MDGA2: variants seen among roughly 807,000 people sequenced by gnomAD.
The protein encoded by MDGA2 is MAM domain-containing glycosylphosphatidylinositol anchor protein 2.
In MDGA2, 40 loss-of-function variants were observed where a neutral mutation model predicts 117.8. The observed-to-expected ratio is 0.34, with a 90% CI of 0.26 to 0.44. MDGA2 has a LOEUF of 0.44. Among genes scored for constraint, MDGA2 ranks in the 20% least tolerant of loss-of-function variants. The pLI, the probability that MDGA2 is intolerant of heterozygous loss-of-function variation, is 1.00. For missense variants in MDGA2, 1,123 were observed against 1,250.6 expected (o/e 0.90, Z 1.54); for synonymous variants, 452 against 439.0 (o/e 1.03, Z -0.37).
chr14:47,282,717 A>AAAAAAAAAAAC (rs1566718704), intron 2 of MDGA2, among the ~76,000 whole-genome samples: 1 of 148,164 alleles, frequency 6.7e-6, no homozygotes, highest in Non-Finnish European at 1.5e-5. Context: ...ACAAAAAACA[A>AAAAAAAAAAAC]AAAACAAAAA....
intron 3 of MDGA2, among the ~76,000 whole-genome samples, chr14:47,204,039 CAG>C (rs1182539570): frequency 1.3e-5 from 2 of 151,848 alleles, no homozygotes; most frequent in Non-Finnish European, 2.9e-5. Context: ...AAAATTCAAA[CAG>C]AATTAGAAAT....
chr14:47,027,081 G>A (rs896273865), intron 8 of MDGA2, among the ~76,000 whole-genome samples: 7 of 151,864 alleles, frequency 4.6e-5, no homozygotes, highest in East Asian at 1.9e-4. Context: ...GTTGAGGATC[G>A]CCTGGGCCAA....
intron 1 of MDGA2, among the ~76,000 whole-genome samples, chr14:47,345,009 A>C (rs1440318844): frequency 6.6e-6 from 1 of 152,126 alleles, no homozygotes. Context: ...TTTGATGTTA[A>C]TATTTCAACC....
intron 6 of MDGA2, among the ~76,000 whole-genome samples, chr14:47,081,026 C>T (rs1262826707): frequency 6.6e-6 from 1 of 152,116 alleles, no homozygotes; most frequent in Non-Finnish European, 1.5e-5. Context: ...CCTTCTTACT[C>T]GTGTCTCTAT....
intron 9 of MDGA2, among the ~76,000 whole-genome samples, chr14:46,953,515 T>C (rs1486466439): frequency 2.0e-5 from 3 of 152,012 alleles, no homozygotes; most frequent in Non-Finnish European, 4.4e-5. Context: ...TTCCTCTTAT[T>C]TTCTTTGATC....
At chr14:47,125,669 G>A (rs939707368) in intron 5 of MDGA2, among the ~76,000 whole-genome samples, 7 of 151,982 alleles carry the variant, frequency 4.6e-5, no homozygotes, top group African/African-American at 1.7e-4. Flanking sequence ...TCTATAGCCA[G>A]TAATACTTTT....
chr14:47,387,041 T>C (rs1225754442), intron 1 of MDGA2, among the ~76,000 whole-genome samples: 3 of 152,126 alleles, frequency 2.0e-5, no homozygotes, highest in African/African-American at 7.2e-5. Context: ...AAAGCAAATA[T>C]GATCAGACTG....
At chr14:47,214,584 A>G (rs1886016988) in intron 3 of MDGA2, among the ~76,000 whole-genome samples, 1 of 152,146 alleles carries the variant, frequency 6.6e-6, no homozygotes, top group Non-Finnish European at 1.5e-5. Context: ...AAAGTCGCCA[A>G]TAAAGATACA....
chr14:46,843,305 G>A (rs535675090), intron 16 of MDGA2, among the ~76,000 whole-genome samples: 2 of 152,110 alleles, frequency 1.3e-5, no homozygotes, highest in African/African-American at 4.8e-5. Flanking sequence ...CCTTTGAAAA[G>A]TTTAATTCAA....
intron 10 of MDGA2, among the ~76,000 whole-genome samples, chr14:46,904,365 A>C (rs570155913): frequency 3.8e-4 from 58 of 152,054 alleles, no homozygotes; most frequent in African/African-American, 1.4e-3. Flanking sequence ...CTCAAAAAAA[A>C]AAAAAAAAAG....
chr14:47,047,704 T>A (rs1433231220), intron 7 of MDGA2, among the ~76,000 whole-genome samples: 4 of 152,094 alleles, frequency 2.6e-5, no homozygotes, highest in African/African-American at 7.2e-5. Context: ...AACCATACTT[T>A]ATTATTATGC....
intron 1 of MDGA2, among the ~76,000 whole-genome samples, chr14:47,638,710 C>T (rs1310421837): frequency 6.6e-6 from 1 of 152,306 alleles, no homozygotes; most frequent in Admixed American, 6.5e-5. Flanking sequence ...TTCCCCTTAA[C>T]TATGGCAAGT....
intron 1 of MDGA2, among the ~76,000 whole-genome samples, chr14:47,606,896 T>A (rs992039198): frequency 4.6e-5 from 7 of 152,130 alleles, no homozygotes; most frequent in Non-Finnish European, 7.4e-5. Flanking sequence ...TAATGAGTAA[T>A]ACAAAAAATG....
chr14:46,968,852 C>T (rs987302279), intron 8 of MDGA2, among the ~76,000 whole-genome samples: 1 of 141,880 alleles, frequency 7.0e-6, no homozygotes, highest in African/African-American at 2.6e-5. Context: ...AAAAAAAAAA[C>T]AAATCCTAGA....
At chr14:46,929,163 GTCTT>G (rs1303449694) in intron 9 of MDGA2, among the ~76,000 whole-genome samples, 1 of 152,048 alleles carries the variant, frequency 6.6e-6, no homozygotes, top group Non-Finnish European at 1.5e-5. Context: ...TCTAAAAAGT[GTCTT>G]TCTTAGGCTT....
At chr14:47,407,344 C>G (rs1892279476) in intron 1 of MDGA2, among the ~76,000 whole-genome samples, 1 of 152,104 alleles carries the variant, frequency 6.6e-6, no homozygotes, top group South Asian at 2.1e-4. Flanking sequence ...ACTTTTCAAG[C>G]TTAAAATGGA....
chr14:47,645,746 A>T (rs1455240838), intron 1 of MDGA2, among the ~76,000 whole-genome samples: 1 of 152,060 alleles, frequency 6.6e-6, no homozygotes, highest in African/African-American at 2.4e-5. Flanking sequence ...ACTATTTAAC[A>T]AAACAGATTA....
At chr14:46,870,896 T>A (rs570533213) in intron 14 of MDGA2, 2 of 152,094 alleles carry the variant, frequency 1.3e-5, no homozygotes, top group African/African-American at 4.8e-5. Flanking sequence ...TCTAGTCTCA[T>A]AAATAAGGTG....
intron 8 of MDGA2, among the ~76,000 whole-genome samples, chr14:46,963,505 T>C (rs1315868190): frequency 6.6e-6 from 1 of 152,244 alleles, no homozygotes; most frequent in Non-Finnish European, 1.5e-5. Context: ...TTGATGACTA[T>C]GTCCCAAACA....
Sources: allele counts gnomAD v4.1 joint callset (sites outside exome capture counted in the v4.1 genomes callset), GRCh38; gene constraint gnomAD v4.1.1; transcripts MANE v1.5; gene names NCBI Gene and HGNC (gene_info 2026-07-23, HGNC 2026-07-21).